The following HSP90AA1 variants were observed in gnomAD, a reference collection of about 807,000 sequenced individuals.
HSP90AA1 encodes heat shock protein HSP 90-alpha.
Under a neutral mutation model 73.3 loss-of-function variants are expected in HSP90AA1, and 18 were observed. The ratio of observed to expected loss-of-function variants is 0.25; its 90% CI spans 0.17 to 0.36. The LOEUF is 0.36. HSP90AA1 is among the 10% of genes least tolerant of loss of function. The probability of loss-of-function intolerance (pLI) is 1.00; values close to 1 mark genes in which losing one functional copy is unlikely to be tolerated. For synonymous variants in HSP90AA1, 477 were observed against 296.9 expected, an observed-to-expected ratio of 1.61 and a Z score of -6.24; for missense variants, 704 against 874.2, an observed-to-expected ratio of 0.81 and a Z score of 2.45.
At chr14:102,108,866 G>C (rs897540600) in intron 1 of HSP90AA1, among the ~76,000 whole-genome samples, 2 of 152,082 alleles carry the variant, frequency 1.3e-5, no homozygotes, top group Admixed American at 6.6e-5. Flanking sequence ...GATTGCTTTG[G>C]CTAATACTTT....
At chr14:102,122,281 CTTTTT>C (rs35837326) in intron 1 of HSP90AA1, among the ~76,000 whole-genome samples, 12 of 118,738 alleles carry the variant, frequency 1.0e-4, no homozygotes, top group Middle Eastern at 3.7e-3. Flanking sequence ...TGTTTAAAGA[CTTTTT>C]TTTTTTTTTT....
chr14:102,119,875 A>G (rs1000475226), intron 1 of HSP90AA1, among the ~76,000 whole-genome samples: 2 of 152,154 alleles, frequency 1.3e-5, no homozygotes, highest in African/African-American at 4.8e-5. Context: ...TGTCTATATG[A>G]TCCATAAAGT....
At chr14:102,085,191 T>TC (rs1461598389) in intron 4 of HSP90AA1, 107 bp downstream of exon 4, 8 of 1,423,164 alleles carry the variant, frequency 5.6e-6, no homozygotes, top group Admixed American at 1.7e-5. Flanking sequence ...GAGCTTAGGT[T>TC]CCCCAGGCTT....
chr14:102,082,074 T>G (rs767738084), intron 10 of HSP90AA1, 37 bp downstream of exon 10: 2 of 1,382,146 alleles, frequency 1.4e-6, no homozygotes, highest in Non-Finnish European at 2.1e-6. Flanking sequence ...TCACGTGTGT[T>G]TATTTTCTTT....
intron 1 of HSP90AA1, among the ~76,000 whole-genome samples, chr14:102,128,631 A>G (rs955921860): frequency 2.3e-4 from 3 of 12,980 alleles, no homozygotes; most frequent in South Asian, 3.3e-3. Context: ...TCCGTCTCGG[A>G]AAAAAAAAAA....
chr14:102,085,759 T>C lies in HSP90AA1; in HGVS notation c.528A>G (p.Thr176=), dbSNP rs1184090710. The part of the protein sequence containing the change: ...AGGSFTVRTD[T]GEPMGRGTKV... ...ACCAGTGAATGTTCAGGTGCCTACC[T>C]GTGTCTGTCCTCACTGTGAATGATC... The change falls in exon 3 of 11, where the codon ACA becomes ACG. Residue 176 remains threonine, a splice_region_variant and synonymous_variant. Coordinates refer to ENST00000216281, the MANE Select transcript of HSP90AA1 (RefSeq NM_005348.4). The C allele has an allele frequency of 1.2e-6, 2 of 1,613,894 alleles. No homozygotes were observed. The highest frequency in any genetic ancestry group is 1.7e-6 in the Non-Finnish European group (2 of 1,179,878).
exon 1 of HSP90AA1, chr14:102,139,436 G>A (rs1339911758): frequency 6.0e-6 from 9 of 1,509,912 alleles, no homozygotes; most frequent in Non-Finnish European, 8.0e-6. Context: ...CCGCGTGCTG[G>A]CTCCGAAGCG....
intron 10 of HSP90AA1, 96 bp from the exon 11 acceptor site, chr14:102,081,917 A>G: frequency 2.5e-6 from 2 of 803,250 alleles, no homozygotes; most frequent in Non-Finnish European, 4.5e-6. Flanking sequence ...AGACAGTATT[A>G]CAGGACATAT....
At chr14:102,129,975 T>G (rs1742626) in intron 1 of HSP90AA1, among the ~76,000 whole-genome samples, 100,685 of 149,206 alleles carry the variant, frequency 0.67, 36,293 homozygotes, top group East Asian at 0.92. Flanking sequence ...TTTTTTTTTG[T>G]TTTGTTTTGT....
chr14:102,085,393 G>A lies in HSP90AA1; in HGVS notation c.568C>T (p.Leu190=), dbSNP rs1302525853. 3.7e-6 allele frequency: 6 copies of A among 1,613,492 alleles called. No individual in the cohort carries two copies. The highest frequency in any genetic ancestry group is 1.3e-5 in the African/African-American group (1 of 74,868). Residue 190 remains leucine, a synonymous_variant, in exon 4 of 11, where the codon CTG becomes TTG. Coordinates refer to ENST00000216281, the MANE Select transcript of HSP90AA1 (RefSeq NM_005348.4). ...MGRGTKVILH[L]KEDQTEYLEE... Reference sequence around the variant, plus strand: ...AAGTACTCAGTTTGGTCTTCTTTCAGGTGTAGGATAACTTTTGTTCCACGA... The same window carrying A: ...AAGTACTCAGTTTGGTCTTCTTTCAAGTGTAGGATAACTTTTGTTCCACGA...
intron 3 of HSP90AA1, 131 bp downstream of exon 3, chr14:102,085,627 G>A: frequency 1.4e-6 from 2 of 1,405,010 alleles, no homozygotes; most frequent in Admixed American, 1.8e-5. Context: ...CACTAATTAA[G>A]TGCTCTAGCT....
rs531569720 is a variant in HSP90AA1, at chr14:102,086,024, G to A, written c.263C>T (p.Thr88Ile). 15 of 1,613,946 alleles carry A rather than the reference G, an allele frequency of 9.3e-6. No individual in the cohort carries two copies. The highest frequency in any genetic ancestry group is 6.7e-5 in the East Asian group (3 of 44,888). Residue 88 changes from threonine to isoleucine, a missense_variant, in exon 3 of 11, where the codon ACT becomes ATT. By Grantham distance (89) the Thr-to-Ile change is moderately conservative. Transcript: ENST00000216281. ...AATTCCAGTATCCACAATAGTGAGA[G>A]TTCGATCTTGTTTGTTCGGTATAAG... ...INLIPNKQDR[T>I]LTIVDTGIGM...
At chr14:102,090,231 A>G (rs553021407), upstream of HSP90AA1, among the ~76,000 whole-genome samples, 98 of 152,196 alleles carry the variant, frequency 6.4e-4, no homozygotes, top group Non-Finnish European at 9.7e-4. Context: ...TTAATTTTTA[A>G]TGGATCTTCT....
At chr14:102,096,801 G>T (rs1310889626) in intron 2 of HSP90AA1, among the ~76,000 whole-genome samples, 1 of 152,148 alleles carries the variant, frequency 6.6e-6, no homozygotes, top group African/African-American at 2.4e-5. Context: ...GGGGCCTCCA[G>T]TTGGAAATGT....
intron 2 of HSP90AA1, among the ~76,000 whole-genome samples, chr14:102,096,355 C>A (rs2049424027): frequency 6.6e-6 from 1 of 152,206 alleles, no homozygotes; most frequent in African/African-American, 2.4e-5. Flanking sequence ...GGCAGCAGAT[C>A]CTGCTAAGTG....
At chr14:102,087,365 C>T (rs1345424511), upstream of HSP90AA1, among the ~76,000 whole-genome samples, 3 of 151,522 alleles carry the variant, frequency 2.0e-5, no homozygotes, top group African/African-American at 4.8e-5. Flanking sequence ...CCGCCCGCGC[C>T]CTCCGCCCTG....
chr14:102,081,928 G>A lies in HSP90AA1; in HGVS notation c.2090-107C>T, dbSNP rs972931982. 1.1e-5 allele frequency: 9 copies of A among 788,330 alleles called. 1 individual carries two copies. The highest frequency in any genetic ancestry group is 6.8e-5 in the African/African-American group (4 of 58,948). 48.8% of individuals were successfully genotyped at this position (788,330 alleles called of 1,614,324 possible). A position where few individuals can be genotyped will look rare whatever the true frequency, so the allele number is the denominator to read the frequency against. ...TTCAAGACAGTATTACAGGACATAT[G>A]AGTCTCAATTTCATTTCTTTGCTCT... On this transcript the variant is annotated intron_variant, in intron 10 of 10. Transcript: ENST00000216281.
intron 1 of HSP90AA1, among the ~76,000 whole-genome samples, 175 bp from the exon 2 acceptor site, chr14:102,086,553 T>C (rs548216579): frequency 1.3e-5 from 2 of 152,176 alleles, no homozygotes; most frequent in South Asian, 2.1e-4. Flanking sequence ...GCGCGGCAAC[T>C]ACCACGAGCG....
chr14:102,139,325 G>A (rs1036384928), exon 1 of HSP90AA1: 2 of 1,613,496 alleles, frequency 1.2e-6, no homozygotes, highest in African/African-American at 2.7e-5. Context: ...CGGGTATTCA[G>A]CACTCTGGGC....
Sources: gnomAD v4.1 joint callset for allele counts (sites outside exome capture counted in the v4.1 genomes callset) on GRCh38, gnomAD v4.1.1 for gene constraint, MANE v1.5 for transcripts, NCBI Gene and HGNC (gene_info 2026-07-23, HGNC 2026-07-21) for gene names.